Variants in BMERB1 observed in about 807,000 individuals in gnomAD.
The protein encoded by BMERB1 is bMERB domain-containing protein 1.
Under a neutral mutation model 23.6 loss-of-function variants are expected in BMERB1, and 12 were observed. That is an observed-to-expected ratio of 0.51 (90% CI 0.33 to 0.82). The LOEUF is 0.82. BMERB1 is among the 40% of genes least tolerant of loss of function. BMERB1 has a pLI of 0.03. For missense variants in BMERB1, 247 were observed against 255.4 expected (o/e 0.97, Z 0.22); for synonymous variants, 122 against 96.6 (o/e 1.26, Z -1.54).
At chr16:15,581,386 T>C in intron 4 of BMERB1, 55 bp downstream of exon 4, 1 of 1,463,356 alleles carries the variant, frequency 6.8e-7, no homozygotes, top group Non-Finnish European at 9.5e-7. Flanking sequence ...ACCTTCTGCT[T>C]CCTTCCAGAA....
At chr16:15,484,008 C>T (rs1331745830) in intron 1 of BMERB1, among the ~76,000 whole-genome samples, 1 of 152,146 alleles carries the variant, frequency 6.6e-6, no homozygotes, top group African/African-American at 2.4e-5. Flanking sequence ...CTTACAATCA[C>T]TGTGGAAGGT....
chr16:15,466,522 A>T (rs899829812), intron 1 of BMERB1, among the ~76,000 whole-genome samples: 1 of 151,866 alleles, frequency 6.6e-6, no homozygotes, highest in African/African-American at 2.4e-5. Flanking sequence ...CCTGTCTTTT[A>T]AAAAAAGACT....
intron 2 of BMERB1, among the ~76,000 whole-genome samples, chr16:15,525,775 G>C (rs996463083): frequency 6.6e-6 from 1 of 151,972 alleles, no homozygotes; most frequent in Admixed American, 6.6e-5. Flanking sequence ...AGTAGTATTG[G>C]TTCTGTTTCT....
At chr16:15,448,232 A>C (rs918864743) in intron 1 of BMERB1, among the ~76,000 whole-genome samples, 1 of 152,116 alleles carries the variant, frequency 6.6e-6, no homozygotes, top group African/African-American at 2.4e-5. Flanking sequence ...ATGGTGACCA[A>C]CTGGATGCAA....
At chr16:15,473,657 G>T (rs2051250554) in intron 1 of BMERB1, among the ~76,000 whole-genome samples, 1 of 152,132 alleles carries the variant, frequency 6.6e-6, no homozygotes, top group African/African-American at 2.4e-5. Flanking sequence ...TCTCGCCTGA[G>T]AATGTCTTTG....
At chr16:15,487,139 G>A (rs2051375694) in intron 1 of BMERB1, among the ~76,000 whole-genome samples, 2 of 152,132 alleles carry the variant, frequency 1.3e-5, no homozygotes, top group African/African-American at 4.8e-5. Flanking sequence ...CATTGCTATT[G>A]CCCTTGAATT....
At chr16:15,501,592 A>T (rs2051531211) in intron 1 of BMERB1, among the ~76,000 whole-genome samples, 1 of 152,182 alleles carries the variant, frequency 6.6e-6, no homozygotes, top group Admixed American at 6.5e-5. Context: ...CTCCTGCCTC[A>T]GCGTCCTGAA....
At chr16:15,538,493 C>G (rs2052048499) in intron 2 of BMERB1, among the ~76,000 whole-genome samples, 1 of 151,888 alleles carries the variant, frequency 6.6e-6, no homozygotes, top group African/African-American at 2.4e-5. Context: ...AGTCAGTGCT[C>G]TCATTCCCCC....
intron 2 of BMERB1, among the ~76,000 whole-genome samples, chr16:15,521,568 G>A (rs1359820135): frequency 1.3e-5 from 2 of 152,170 alleles, no homozygotes; most frequent in Non-Finnish European, 1.5e-5. Context: ...TCACAGACCA[G>A]CCATAAGTGA....
chr16:15,441,846 G>A (rs2050941890), intron 1 of BMERB1, among the ~76,000 whole-genome samples: 1 of 152,168 alleles, frequency 6.6e-6, no homozygotes, highest in Non-Finnish European at 1.5e-5. Flanking sequence ...AAAGGGTCAT[G>A]TTGGGTACTA....
At chr16:15,505,026 A>G (rs2051572234) in intron 1 of BMERB1, among the ~76,000 whole-genome samples, 4 of 152,104 alleles carry the variant, frequency 2.6e-5, no homozygotes. Context: ...TTCCTCTTTG[A>G]GTAGGACTTA....
chr16:15,474,698 A>G (rs181881181), intron 1 of BMERB1, among the ~76,000 whole-genome samples: 2 of 150,120 alleles, frequency 1.3e-5, no homozygotes, highest in African/African-American at 2.5e-5. Flanking sequence ...TTTTATTCTT[A>G]TTTTTTTTGA....
intron 1 of BMERB1, among the ~76,000 whole-genome samples, chr16:15,450,658 A>G (rs906096556): frequency 1.3e-5 from 2 of 152,014 alleles, no homozygotes; most frequent in African/African-American, 4.8e-5. Context: ...TTTAGTAGAG[A>G]TGGGGTTTTA....
chr16:15,468,162 T>TTTTTTTTTTTTTTTTTTTTTTTTC lies in BMERB1; in HGVS notation c.106+33404_106+33405insTTTTTTTTTTTTTTTTTTTTTTCT, dbSNP rs57267276. The stretch of plus-strand genomic sequence containing the variant: ...TTTTTTTTTTTTTTTTTTTTTTTTT[T>TTTTTTTTTTTTTTTTTTTTTTTTC]TGAGGCAGGGTCTCAGTCTGTCACC... On this transcript the variant is annotated intron_variant, in intron 1 of 5. Transcript: ENST00000300006. 1.1e-4 allele frequency among the ~76,000 whole-genome samples: 7 copies of TTTTTTTTTTTTTTTTTTTTTTTTC among 64,554 alleles called. 1 individual carries two copies. Among genetic ancestry groups the TTTTTTTTTTTTTTTTTTTTTTTTC allele is most frequent in the Non-Finnish European group, 1.6e-4 (5 of 32,170 alleles). The allele number at this position is 64,554 out of a possible 152,430, so 42.3% of individuals were successfully genotyped here.
At chr16:15,458,845 G>A (rs1321326298) in intron 1 of BMERB1, among the ~76,000 whole-genome samples, 2 of 151,314 alleles carry the variant, frequency 1.3e-5, no homozygotes, top group African/African-American at 4.9e-5. Context: ...GGTGGCTCAC[G>A]CCTGTAATCC....
chr16:15,567,288 G>T (rs527910100), intron 2 of BMERB1, among the ~76,000 whole-genome samples: 1 of 152,140 alleles, frequency 6.6e-6, no homozygotes, highest in Non-Finnish European at 1.5e-5. Context: ...GATTCTCTCC[G>T]AAGGACAGAG....
At chr16:15,518,625 C>T (rs1048295948) in intron 2 of BMERB1, among the ~76,000 whole-genome samples, 2 of 152,146 alleles carry the variant, frequency 1.3e-5, no homozygotes, top group African/African-American at 4.8e-5. Context: ...TGGTTTTTCC[C>T]GAAGCTGTGG....
chr16:15,492,689 C>T lies in BMERB1; in HGVS notation c.107-22616C>T, dbSNP rs1487214544. 4.0e-5 allele frequency among the ~76,000 whole-genome samples: 6 copies of T among 151,532 alleles called. No homozygotes were observed. In the South Asian group the frequency reaches 1.0e-3, roughly 26 times the overall value. On this transcript the variant is annotated intron_variant, in intron 1 of 5. Coordinates refer to ENST00000300006, the MANE Select transcript of BMERB1 (RefSeq NM_033201.3). ...TTCCCAGCACTTTGGGAGGCTGAGG[C>T]GGGTGGATTACCTGAGGTCAGGGGT... is the stretch of plus-strand genomic sequence containing the variant.
At chr16:15,526,676 A>AC (rs1015327782) in intron 2 of BMERB1, among the ~76,000 whole-genome samples, 7 of 150,612 alleles carry the variant, frequency 4.6e-5, no homozygotes, top group African/African-American at 1.7e-4. Context: ...AAAAAAAAAA[A>AC]AAAAAAAACT....
Sources: gnomAD v4.1 joint callset for allele counts (sites outside exome capture counted in the v4.1 genomes callset) on GRCh38, gnomAD v4.1.1 for gene constraint, MANE v1.5 for transcripts, NCBI Gene and HGNC (gene_info 2026-07-23, HGNC 2026-07-21) for gene names.